Variants in WNT6 observed in about 807,000 individuals in gnomAD.
The protein encoded by WNT6 is Wnt family member 6, also known as protein Wnt-6.
Under a neutral mutation model 33.1 loss-of-function variants are expected in WNT6, and 27 were observed. The observed-to-expected ratio is 0.82, with a 90% confidence interval of 0.60 to 1.12. The LOEUF (loss-of-function observed/expected upper bound fraction) is 1.12, where lower values mean the gene tolerates loss of function less well. Ranked by LOEUF, WNT6 falls within the 50% of genes most tolerant of loss-of-function variation. WNT6 has a pLI of 0.00. For missense variants in WNT6, 494 were observed against 535.3 expected (o/e 0.92, Z 0.76); for synonymous variants, 249 against 242.8 (o/e 1.03, Z -0.24).
At chr2:218,872,831 T>C (rs954290592) in intron 3 of WNT6, among the ~76,000 whole-genome samples, 10 of 151,936 alleles carry the variant, frequency 6.6e-5, no homozygotes, top group African/African-American at 2.2e-4. Flanking sequence ...CCGTGTCCTC[T>C]AGGGTTCGGG....
chr2:218,863,847 CTCAA>C (rs1553620620), intron 1 of WNT6, among the ~76,000 whole-genome samples: 1 of 152,162 alleles, frequency 6.6e-6, no homozygotes, highest in Non-Finnish European at 1.5e-5. Context: ...AAGACTCTGT[CTCAA>C]TCAATCAATC....
At chr2:218,868,052 C>T (rs1007680969) in intron 1 of WNT6, among the ~76,000 whole-genome samples, 1 of 152,108 alleles carries the variant, frequency 6.6e-6, no homozygotes, top group Non-Finnish European at 1.5e-5. Context: ...AGGATGGGAG[C>T]AAGGACAGGA....
At chr2:218,869,217 T>C (rs1184817757) in intron 1 of WNT6, among the ~76,000 whole-genome samples, 1 of 74,702 alleles carries the variant, frequency 1.3e-5, no homozygotes, top group Non-Finnish European at 2.1e-5. Context: ...TTTGTGTGTG[T>C]GCGTGCGCAT....
chr2:218,871,002 T>C lies in WNT6; in HGVS notation c.81-25T>C, dbSNP rs1218217782. ...CAAGCCCTTTTTTGGGTTACACCCCTGACCTGCTATTCTCTGCTTTCCAGG... is the reference window on the plus strand; with the variant it reads ...CAAGCCCTTTTTTGGGTTACACCCCCGACCTGCTATTCTCTGCTTTCCAGG... On this transcript the variant is annotated intron_variant, in intron 1 of 3. Transcript: ENST00000233948. The surrounding 1 kb of genome is among the most constrained non-coding windows in gnomAD (Gnocchi z 6.4). The C allele has an allele frequency of 2.5e-6, 4 of 1,576,848 alleles. No homozygotes were observed. The highest frequency in any genetic ancestry group is 1.2e-5 in the South Asian group (1 of 86,758).
intron 1 of WNT6, among the ~76,000 whole-genome samples, chr2:218,861,216 G>A (rs1944307765): frequency 1.3e-5 from 2 of 152,182 alleles, no homozygotes; most frequent in East Asian, 3.9e-4. Flanking sequence ...GTGGCGGGCA[G>A]CAATCCCTAC....
rs541230113 is a variant in WNT6 at position 218,869,261 on chromosome 2, C to T, written c.81-1766C>T. On this transcript the variant is annotated intron_variant, in intron 1 of 3. Coordinates refer to ENST00000233948, the MANE Select transcript of WNT6 (RefSeq NM_006522.4). ...GCATGAGAATGCACGTGCACACACA[C>T]GTGTTTGTGTTGTAGACCATAAAGG... Among the ~76,000 whole-genome samples, 96 of 152,260 alleles carry T rather than the reference C, an allele frequency of 6.3e-4. No individual in the cohort carries two copies. In the South Asian group the frequency reaches 0.018, roughly 29 times the overall value.
rs1206695898 is a variant in WNT6, at chr2:218,873,777, T to C, written c.1030T>C (p.Phe344Leu). ...GCTCGAAGAGAACTGCCTGTGCCGC[T>C]TCCACTGGTGCTGCGTAGTACAGTG... ...VQLEENCLCR[F>L]HWCCVVQCHR... is the part of the protein sequence containing the mutation. Residue 344 changes from phenylalanine (F) to leucine (L), a missense_variant, in exon 4 of 4, where the codon TTC becomes CTC. Transcript: ENST00000233948. The surrounding 1 kb of genome is among the most constrained non-coding windows in gnomAD (Gnocchi z 6.1). The C allele has an allele frequency of 2.5e-6, 4 of 1,587,768 alleles. No homozygotes were observed. The Middle Eastern group carries it at 5.0e-4, about 199-fold the overall frequency.
chr2:218,871,772 G>C lies in WNT6; in HGVS notation c.589G>C (p.Asp197His), dbSNP rs1944404548. 3 of 1,602,004 alleles carry C rather than the reference G, an allele frequency of 1.9e-6. No homozygotes were observed. The highest frequency in any genetic ancestry group is 4.6e-5 in the East Asian group (2 of 43,058). ...MDARHKRGRG[D>H]IRALVQLHNN... ...CGCGCGGCACAAGCGGGGACGCGGAGACATCCGCGCGTTGGTGCAACTGCA... is the reference window on the plus strand; with the variant it reads ...CGCGCGGCACAAGCGGGGACGCGGACACATCCGCGCGTTGGTGCAACTGCA... The change falls in exon 3 of 4, where the codon GAC (aspartate) becomes CAC (histidine). Residue 197 changes from aspartate to histidine, a missense_variant. Asp to His is a moderately conservative substitution (Grantham distance 81). Transcript: ENST00000233948. The surrounding 1 kb of genome is among the most constrained non-coding windows in gnomAD (Gnocchi z 6.4).
In WNT6 at chr2:218,873,774, C is replaced by A. The variant is rs1246249807; in HGVS notation, c.1027C>A (p.Arg343Ser). ...GCAGCTCGAAGAGAACTGCCTGTGC[C>A]GCTTCCACTGGTGCTGCGTAGTACA... ...SVQLEENCLC[R>S]FHWCCVVQCH... is the part of the protein sequence containing the mutation. The change falls in exon 4 of 4, where the codon CGC becomes AGC. Residue 343 changes from arginine (R) to serine (S), a missense_variant. Transcript: ENST00000233948. This position sits in a 1 kb window ranked among gnomAD's most constrained non-coding sequence, Gnocchi z 6.1. 6.3e-7 allele frequency: 1 copy of A among 1,587,108 alleles called. No individual in the cohort carries two copies. The highest frequency in any genetic ancestry group is 2.3e-5 in the East Asian group (1 of 43,554).
chr2:218,873,420 C>T lies in WNT6; in HGVS notation c.673C>T (p.His225Tyr). 6.5e-7 allele frequency: 1 copy of T among 1,537,556 alleles called. No homozygotes were observed. The highest frequency in any genetic ancestry group is 1.2e-5 in the South Asian group (1 of 84,012). The change falls in exon 4 of 4, where the codon CAC (histidine) becomes TAC (tyrosine). Residue 225 changes from histidine (H) to tyrosine (Y), a missense_variant. Transcript: ENST00000233948. This position sits in a 1 kb window ranked among gnomAD's most constrained non-coding sequence, Gnocchi z 6.1. ...CCACACGCGCACCGAGTGCAAATGCCACGGGCTGTCGGGATCATGCGCGCT... is the reference window on the plus strand; with the variant it reads ...CCACACGCGCACCGAGTGCAAATGCTACGGGCTGTCGGGATCATGCGCGCT... ...RSHTRTECKC[H>Y]GLSGSCALRT...
chr2:218,865,899 T>C (rs1227771826), intron 1 of WNT6, among the ~76,000 whole-genome samples: 1 of 149,856 alleles, frequency 6.7e-6, no homozygotes, highest in Non-Finnish European at 1.5e-5. Flanking sequence ...GGGAACCAAG[T>C]TGGGTTAGGG....
At chr2:218,863,310 G>C (rs1204571094) in intron 1 of WNT6, among the ~76,000 whole-genome samples, 1 of 152,160 alleles carries the variant, frequency 6.6e-6, no homozygotes, top group East Asian at 1.9e-4. Flanking sequence ...CCAGGTCAGA[G>C]CTCCAGTGCT....
At chr2:218,865,346 G>A (rs986152747) in intron 1 of WNT6, among the ~76,000 whole-genome samples, 3 of 152,220 alleles carry the variant, frequency 2.0e-5, no homozygotes, top group Non-Finnish European at 2.9e-5. Flanking sequence ...ACTCCCTCGG[G>A]TGCTTCTCCA....
rs1028935768 is a variant in WNT6 at position 218,871,395 on chromosome 2, C to T, written c.302-90C>T. The T allele has an allele frequency of 4.6e-6, 7 of 1,513,158 alleles. No individual in the cohort carries two copies. Among genetic ancestry groups the T allele is most frequent in the Non-Finnish European group, 6.3e-6 (7 of 1,118,980 alleles). 93.7% of individuals were successfully genotyped at this position (1,513,158 alleles called of 1,614,324 possible). ...CTGCAAGGACCCTGCCTCCCAGGCC[C>T]CTGGGGCAGCCCTCCCGCCGCAGGT... On this transcript the variant is annotated intron_variant, in intron 2 of 3. Coordinates refer to ENST00000233948, the MANE Select transcript of WNT6 (RefSeq NM_006522.4). The surrounding 1 kb of genome is among the most constrained non-coding windows in gnomAD (Gnocchi z 6.4).
Position 218,873,656 on chromosome 2 carries a change from C to G in WNT6, c.909C>G (p.Pro303=). 1 of 1,582,390 alleles carries G rather than the reference C, an allele frequency of 6.3e-7. No homozygotes were observed. Among genetic ancestry groups the G allele is most frequent in the African/African-American group, 1.4e-5 (1 of 73,798 alleles). Residue 303 remains proline, a synonymous_variant, in exon 4 of 4, where the codon CCC becomes CCG. Coordinates refer to ENST00000233948, the MANE Select transcript of WNT6 (RefSeq NM_006522.4). The surrounding 1 kb of genome is among the most constrained non-coding windows in gnomAD (Gnocchi z 6.1). Reference sequence around the variant, plus strand: ...CCCCCAACCGACGCACCGGCTCCCCCGGCACGCGCGGTCGCGCCTGCAATA... The same window carrying G: ...CCCCCAACCGACGCACCGGCTCCCCGGGCACGCGCGGTCGCGCCTGCAATA... ...FCAPNRRTGS[P]GTRGRACNSS...
intron 1 of WNT6, among the ~76,000 whole-genome samples, chr2:218,863,804 C>T (rs1157247458): frequency 2.0e-5 from 3 of 152,190 alleles, no homozygotes; most frequent in Non-Finnish European, 4.4e-5. Flanking sequence ...AACCGAGATC[C>T]ATGCCACTGC....
At position 218,871,198 on chromosome 2, in the gene WNT6, C is replaced by T; in HGVS notation, c.252C>T (p.Arg84=). ...GCCAGTTCCAGTTCCGCTTCCGCCG[C>T]TGGAATTGCTCCAGCCACAGCAAGG... ...RECQFQFRFR[R]WNCSSHSKAF... Residue 84 remains arginine (R), a synonymous_variant, in exon 2 of 4, where the codon CGC becomes CGT. Coordinates refer to ENST00000233948, the MANE Select transcript of WNT6 (RefSeq NM_006522.4). The surrounding 1 kb of genome is among the most constrained non-coding windows in gnomAD (Gnocchi z 6.4). 6.2e-7 allele frequency: 1 copy of T among 1,613,574 alleles called. No individual in the cohort carries two copies. The highest frequency in any genetic ancestry group is 8.5e-7 in the Non-Finnish European group (1 of 1,179,890).
At chr2:218,869,224 G>A (rs1242954069) in intron 1 of WNT6, among the ~76,000 whole-genome samples, 4 of 152,044 alleles carry the variant, frequency 2.6e-5, no homozygotes, top group East Asian at 1.9e-4. Context: ...GTGTGCGTGC[G>A]CATGCGTGCA....
Position 218,871,612 on chromosome 2 carries a change from C to A in WNT6, c.429C>A (p.Pro143=). The change falls in exon 3 of 4, where the codon CCC becomes CCA. Residue 143 remains proline, a synonymous_variant. Transcript: ENST00000233948. The surrounding 1 kb of genome is among the most constrained non-coding windows in gnomAD (Gnocchi z 6.4). ...GCQAPRGRAP[P]RPSGLPGTPG... The stretch of plus-strand genomic sequence containing the variant: ...AGGCGCCCCGCGGGCGGGCCCCTCC[C>A]CGGCCCTCCGGCCTGCCCGGCACCC... The A allele has an allele frequency of 6.8e-7, 1 of 1,473,944 alleles. No individual in the cohort carries two copies. The highest frequency in any genetic ancestry group is 8.9e-7 in the Non-Finnish European group (1 of 1,119,572). The allele number at this position is 1,473,944 out of a possible 1,614,324, so 91.3% of individuals were successfully genotyped here. A position where few individuals can be genotyped will look rare whatever the true frequency, so the allele number is the denominator to read the frequency against.
Sources: allele counts gnomAD v4.1 joint callset (sites outside exome capture counted in the v4.1 genomes callset), GRCh38; gene constraint gnomAD v4.1.1; non-coding constraint Gnocchi (gnomAD v3.1); transcripts MANE v1.5; gene names NCBI Gene and HGNC (gene_info 2026-07-23, HGNC 2026-07-21).